The following FIP1L1 variants were observed in gnomAD, a reference collection of about 807,000 sequenced individuals.
FIP1L1 encodes the protein factor interacting with PAPOLA and CPSF1.
In FIP1L1, 21 loss-of-function variants were observed where a neutral mutation model predicts 84.6. The ratio of observed to expected loss-of-function variants is 0.25; its 90% CI spans 0.18 to 0.36. The LOEUF is 0.36. Among genes scored for constraint, FIP1L1 ranks in the 10% least tolerant of loss-of-function variants. The pLI is 1.00. For missense variants in FIP1L1, 526 were observed against 751.1 expected, an observed-to-expected ratio of 0.70 and a Z score of 3.50; for synonymous variants, 263 against 242.3, an observed-to-expected ratio of 1.09 and a Z score of -0.80.
chr4:53,424,273 G>A (rs1012203780), intron 11 of FIP1L1, among the ~76,000 whole-genome samples: 3 of 152,106 alleles, frequency 2.0e-5, no homozygotes, highest in Non-Finnish European at 4.4e-5. Flanking sequence ...GTATATCAGA[G>A]GGCTGATGGC....
chr4:53,434,928 T>C (rs1223504085), intron 13 of FIP1L1, among the ~76,000 whole-genome samples: 1 of 152,200 alleles, frequency 6.6e-6, no homozygotes, highest in East Asian at 1.9e-4. Flanking sequence ...AGTACACTTT[T>C]ATCCCTTTAA....
At chr4:53,431,792 A>C (rs1766789860) in intron 13 of FIP1L1, among the ~76,000 whole-genome samples, 1 of 152,232 alleles carries the variant, frequency 6.6e-6, no homozygotes, top group African/African-American at 2.4e-5. Flanking sequence ...GTCTTATTGC[A>C]TAAGTAGATA....
At chr4:53,379,344 T>TA (rs1338487584) in intron 3 of FIP1L1, 80 bp downstream of exon 3, 3 of 1,231,400 alleles carry the variant, frequency 2.4e-6, no homozygotes, top group Middle Eastern at 2.9e-4. Context: ...ATTATTTTCT[T>TA]ACAATCATTG....
At chr4:53,431,746 A>G (rs1456008022) in intron 13 of FIP1L1, among the ~76,000 whole-genome samples, 1 of 152,226 alleles carries the variant, frequency 6.6e-6, no homozygotes, top group African/African-American at 2.4e-5. Context: ...GGTTTAGATG[A>G]TACAATTTCT....
chr4:53,408,824 A>G (rs939393190), intron 10 of FIP1L1, among the ~76,000 whole-genome samples: 11 of 152,156 alleles, frequency 7.2e-5, no homozygotes, highest in Admixed American at 1.3e-4. Flanking sequence ...CGTAGTTCTC[A>G]AGCCTTGGTT....
At chr4:53,432,202 C>A (rs557885034) in intron 13 of FIP1L1, among the ~76,000 whole-genome samples, 32 of 151,766 alleles carry the variant, frequency 2.1e-4, no homozygotes, top group Non-Finnish European at 1.9e-4. Context: ...TCAAGATCAG[C>A]CTGGCCAACA....
Position 53,377,912 on chromosome 4 carries a change from G to A in FIP1L1, c.74G>A (p.Trp25Ter). 2 of 1,595,984 alleles carry A rather than the reference G, an allele frequency of 1.3e-6. No homozygotes were observed. The highest frequency in any genetic ancestry group is 1.7e-6 in the Non-Finnish European group (2 of 1,171,036). Residue 25 changes from tryptophan (W) to a stop codon, truncating the protein, a stop_gained, in exon 1 of 18, where the codon TGG becomes TAG. Transcript: ENST00000337488. LOFTEE classifies it high-confidence loss of function. Reference protein sequence around the residue: ...GGTGGDEEEEWLYGGPWDVHV... With the variant: ...GGTGGDEEEE ...ACCGGAGGGGATGAGGAGGAAGAGT[G>A]GCTCTATGGCGGTACGAAACTTCCT...
intron 9 of FIP1L1, among the ~76,000 whole-genome samples, chr4:53,397,023 C>G (rs570363525): frequency 2.6e-5 from 4 of 152,128 alleles, no homozygotes; most frequent in Non-Finnish European, 4.4e-5. Flanking sequence ...CTAGAGAGTT[C>G]TAAGACATTC....
intron 13 of FIP1L1, among the ~76,000 whole-genome samples, chr4:53,432,458 C>T (rs1215127569): frequency 1.4e-5 from 2 of 147,054 alleles, no homozygotes; most frequent in South Asian, 2.2e-4. Context: ...TTTAGTTCTT[C>T]TATAATATCC....
chr4:53,443,691 G>T (rs1772975123), intron 14 of FIP1L1, among the ~76,000 whole-genome samples: 1 of 151,990 alleles, frequency 6.6e-6, no homozygotes, highest in African/African-American at 2.4e-5. Flanking sequence ...TGTCAGTGGG[G>T]CTGAATTACT....
At chr4:53,386,145 G>GT (rs1410281148) in intron 5 of FIP1L1, among the ~76,000 whole-genome samples, 1 of 151,518 alleles carries the variant, frequency 6.6e-6, no homozygotes, top group Admixed American at 6.6e-5. Context: ...ATCTTGGAAA[G>GT]TAGTTTGTTA....
At chr4:53,450,988 G>A (rs770026984) in intron 15 of FIP1L1, among the ~76,000 whole-genome samples, 11 of 146,864 alleles carry the variant, frequency 7.5e-5, no homozygotes, top group Non-Finnish European at 1.6e-4. Flanking sequence ...TTGAGATGGA[G>A]TCTCACTCTG....
intron 13 of FIP1L1, among the ~76,000 whole-genome samples, chr4:53,431,963 A>C (rs1399471475): frequency 6.6e-6 from 1 of 152,222 alleles, no homozygotes; most frequent in East Asian, 1.9e-4. Context: ...CAGAGAGGAC[A>C]AAGTATTTCT....
chr4:53,409,869 C>T (rs1354683165), intron 10 of FIP1L1, among the ~76,000 whole-genome samples: 1 of 152,308 alleles, frequency 6.6e-6, no homozygotes, highest in South Asian at 2.1e-4. Flanking sequence ...GTGGGAGTGA[C>T]CCAATTTTCC....
Position 53,459,612 on chromosome 4 carries a change from A to G in FIP1L1, c.*163A>G. 3.1e-6 allele frequency: 3 copies of G among 981,454 alleles called. No individual in the cohort carries two copies. Among genetic ancestry groups the G allele is most frequent in the Non-Finnish European group, 4.6e-6 (3 of 652,584 alleles). The allele number at this position is 981,454 out of a possible 1,614,324, so 60.8% of individuals were successfully genotyped here. A position where few individuals can be genotyped will look rare whatever the true frequency, so the allele number is the denominator to read the frequency against. On this transcript the variant is annotated 3_prime_UTR_variant, in exon 18 of 18. Transcript: ENST00000337488. ...AATAAAAGAGTGAATTTTTCATGTT[A>G]AGTTAAAAATCTTTGTCTTGTACTA...
chr4:53,436,960 CG>C (rs1443907812), intron 13 of FIP1L1, among the ~76,000 whole-genome samples: 1 of 151,954 alleles, frequency 6.6e-6, no homozygotes, highest in Admixed American at 6.6e-5. Flanking sequence ...GAGGCCAAGG[CG>C]GGTAGATTGC....
chr4:53,459,273 A>T, intron 17 of FIP1L1, 29 bp from the exon 18 acceptor site: 3 of 1,208,896 alleles, frequency 2.5e-6, no homozygotes, highest in Non-Finnish European at 3.5e-6. Context: ...TAAACAGAAC[A>T]CACCTTTTTT....
rs368800789 is a variant in FIP1L1 at position 53,426,043 on chromosome 4, A to T, written c.1017+78A>T. ...TTATAATTTAATTTATTCAATAGAT[A>T]GTCATAGTGCTATGCTGTGTTTTAG... is the stretch of plus-strand genomic sequence containing the variant. On this transcript the variant is annotated intron_variant, in intron 12 of 17. Transcript: ENST00000337488. The T allele has an allele frequency of 9.2e-4, 902 of 982,348 alleles. 18 individuals are homozygous for T. In the South Asian group the frequency reaches 0.013, roughly 14 times the overall value. The allele number at this position is 982,348 out of a possible 1,614,324, so 60.9% of individuals were successfully genotyped here. A position where few individuals can be genotyped will look rare whatever the true frequency, so the allele number is the denominator to read the frequency against.
intron 15 of FIP1L1, among the ~76,000 whole-genome samples, chr4:53,446,597 T>G (rs1339940522): frequency 6.6e-6 from 1 of 152,152 alleles, no homozygotes; most frequent in Non-Finnish European, 1.5e-5. Flanking sequence ...ATTTTGACTA[T>G]TAAGTACTTG....
Sources: allele counts gnomAD v4.1 joint callset (sites outside exome capture counted in the v4.1 genomes callset), GRCh38; gene constraint gnomAD v4.1.1; transcripts MANE v1.5; gene names NCBI Gene and HGNC (gene_info 2026-07-23, HGNC 2026-07-21).